The following MECOM variants were observed in gnomAD, a reference collection of about 807,000 sequenced individuals.
The protein encoded by MECOM is histone-lysine N-methyltransferase MECOM.
In MECOM, 13 loss-of-function variants were observed where a neutral mutation model predicts 116.3. The ratio of observed to expected loss-of-function variants is 0.11; its 90% CI spans 0.07 to 0.18. The LOEUF is 0.18. Among genes scored for constraint, MECOM ranks in the 10% least tolerant of loss-of-function variants. MECOM has a pLI of 1.00. For synonymous variants in MECOM, 528 were observed against 535.2 expected (o/e 0.99, Z 0.19); for missense variants, 1,299 against 1,509.0 (o/e 0.86, Z 2.31).
chr3:169,451,674 T>C (rs1318648182), intron 1 of MECOM, among the ~76,000 whole-genome samples: 1 of 152,210 alleles, frequency 6.6e-6, no homozygotes, highest in Non-Finnish European at 1.5e-5. Context: ...TGCTACACTT[T>C]AGAGAGATGT....
chr3:169,462,620 G>T (rs760645311), intron 1 of MECOM, among the ~76,000 whole-genome samples: 22 of 152,094 alleles, frequency 1.4e-4, no homozygotes, highest in Non-Finnish European at 3.2e-4. Context: ...AAATTTTTAT[G>T]CTGTTAAATT....
rs1347512184 is a variant in MECOM, at chr3:169,323,009, A to T, written c.375+58178T>A. On this transcript the variant is annotated intron_variant, in intron 2 of 16. Coordinates refer to ENST00000651503, the MANE Select transcript of MECOM (RefSeq NM_004991.4). Reference sequence around the variant, plus strand: ...AGCAAGACTCCGGTAAAAAAAAAAAAAAAAAAAAAAAAAAAAAGCAGCAGC... The same window carrying T: ...AGCAAGACTCCGGTAAAAAAAAAAATAAAAAAAAAAAAAAAAAGCAGCAGC... Among the ~76,000 whole-genome samples, 497 of 146,472 alleles carry T rather than the reference A, an allele frequency of 3.4e-3. 7 individuals carry two copies. The highest frequency in any genetic ancestry group is 0.015 in the East Asian group (77 of 5,118).
chr3:169,217,844 AT>A (rs1751605331), intron 2 of MECOM, among the ~76,000 whole-genome samples: 5 of 64,712 alleles, frequency 7.7e-5, no homozygotes, highest in Middle Eastern at 0.014. Flanking sequence ...TATATATGTA[AT>A]ATATATATAT....
At chr3:169,132,810 T>C (rs1735176564) in intron 3 of MECOM, among the ~76,000 whole-genome samples, 1 of 150,506 alleles carries the variant, frequency 6.6e-6, no homozygotes, top group Non-Finnish European at 1.5e-5. Flanking sequence ...TGGGGTACAG[T>C]GGCATGATCA....
rs369978244 is a variant in MECOM at position 169,411,930 on chromosome 3, G to T, written c.38-30406C>A. Among the ~76,000 whole-genome samples, 8 of 152,100 alleles carry T rather than the reference G, an allele frequency of 5.3e-5. No individual in the cohort carries two copies. The East Asian group carries it at 9.6e-4, about 18-fold the overall frequency. On this transcript the variant is annotated intron_variant, in intron 1 of 16. Coordinates refer to ENST00000651503, the MANE Select transcript of MECOM (RefSeq NM_004991.4). Reference sequence around the variant, plus strand: ...CGCTTGAACCCGGGAGGCAGAAGTTGCAGTGAGCTAAGATCAAGCCACTGC... The same window carrying T: ...CGCTTGAACCCGGGAGGCAGAAGTTTCAGTGAGCTAAGATCAAGCCACTGC...
chr3:169,395,140 G>A (rs766842133), intron 1 of MECOM, among the ~76,000 whole-genome samples: 1 of 152,122 alleles, frequency 6.6e-6, no homozygotes, highest in Non-Finnish European at 1.5e-5. Context: ...AAATTCAAGA[G>A]AGCCCAAGTA....
chr3:169,491,099 C>A (rs1283489012), intron 1 of MECOM, among the ~76,000 whole-genome samples: 1 of 152,112 alleles, frequency 6.6e-6, no homozygotes, highest in African/African-American at 2.4e-5. Flanking sequence ...CTCAAGCAAT[C>A]CTCCACTTTA....
chr3:169,389,952 A>G (rs900980034), intron 1 of MECOM, among the ~76,000 whole-genome samples: 2 of 152,310 alleles, frequency 1.3e-5, no homozygotes, highest in East Asian at 3.9e-4. Context: ...TCAGGAAGGT[A>G]TAGAGAATAT....
At position 169,639,969 on chromosome 3, in the gene MECOM, CT is replaced by C. The variant is rs1773258068; in HGVS notation, c.37+23366del. Among the ~76,000 whole-genome samples the C allele has an allele frequency of 5.3e-5, 8 of 152,272 alleles. 1 individual carries two copies. The South Asian group carries it at 1.7e-3, about 32-fold the overall frequency. Reference sequence around the variant, plus strand: ...CCTGTGCCTCATCTTCATCATTCCTCTGGGCCTTAGACTGCTAAAATAAGCC... The same window carrying C: ...CCTGTGCCTCATCTTCATCATTCCTCGGGCCTTAGACTGCTAAAATAAGCC... On this transcript the variant is annotated intron_variant, in intron 1 of 16. Transcript: ENST00000651503.
intron 1 of MECOM, among the ~76,000 whole-genome samples, chr3:169,640,860 G>A (rs576053977): frequency 6.6e-6 from 1 of 152,292 alleles, no homozygotes; most frequent in Non-Finnish European, 1.5e-5. Context: ...ATTATGAGGA[G>A]GTGATTCCAA....
intron 1 of MECOM, among the ~76,000 whole-genome samples, chr3:169,428,465 A>C (rs924025901): frequency 3.3e-5 from 5 of 152,160 alleles, no homozygotes; most frequent in African/African-American, 1.2e-4. Context: ...CTTAGGCAGC[A>C]GTGCTCACCT....
chr3:169,317,015 A>G (rs1157682648), intron 2 of MECOM, among the ~76,000 whole-genome samples: 2 of 152,192 alleles, frequency 1.3e-5, no homozygotes, highest in African/African-American at 4.8e-5. Context: ...GATTCCAGAG[A>G]TAAGAAATGG....
intron 1 of MECOM, among the ~76,000 whole-genome samples, chr3:169,620,798 A>C (rs1770619375): frequency 6.6e-6 from 1 of 152,262 alleles, no homozygotes; most frequent in Non-Finnish European, 1.5e-5. Flanking sequence ...ATAGGTACTC[A>C]ACAAGGAACT....
chr3:169,403,200 G>C (rs922301219), intron 1 of MECOM, among the ~76,000 whole-genome samples: 1 of 152,244 alleles, frequency 6.6e-6, no homozygotes, highest in Non-Finnish European at 1.5e-5. Flanking sequence ...CCAGCCCACA[G>C]GTCCCTCAGC....
At chr3:169,523,911 A>G (rs538634502) in intron 1 of MECOM, among the ~76,000 whole-genome samples, 45 of 149,318 alleles carry the variant, frequency 3.0e-4, no homozygotes, top group East Asian at 3.0e-3. Flanking sequence ...CTGTATATGC[A>G]TATATATGTG....
At chr3:169,489,870 T>C (rs1049134178) in intron 1 of MECOM, among the ~76,000 whole-genome samples, 9 of 151,988 alleles carry the variant, frequency 5.9e-5, no homozygotes, top group African/African-American at 1.9e-4. Flanking sequence ...ACATATAAAG[T>C]ATAAAACGGG....
intron 1 of MECOM, among the ~76,000 whole-genome samples, chr3:169,583,469 G>A (rs975997568): frequency 2.0e-5 from 3 of 151,728 alleles, no homozygotes; most frequent in Admixed American, 6.6e-5. Flanking sequence ...TCTATCTCTC[G>A]CTTTCCCTCC....
rs112955288 is a variant in MECOM at position 169,257,075 on chromosome 3, G to T, written c.376-113243C>A. On this transcript the variant is annotated intron_variant, in intron 2 of 16. Transcript: ENST00000651503. ...GTGGTCCAAAAATGAGAATCCTGTTGGTTTTTCGAAAATACTGTAGTTTTT... is the reference window on the plus strand; with the variant it reads ...GTGGTCCAAAAATGAGAATCCTGTTTGTTTTTCGAAAATACTGTAGTTTTT... 4.3e-4 allele frequency among the ~76,000 whole-genome samples: 65 copies of T among 152,170 alleles called. 1 individual carries two copies. The highest frequency in any genetic ancestry group is 3.4e-3 in the Middle Eastern group (1 of 294).
Position 169,116,038 on chromosome 3 carries a change from A to G in MECOM, c.1834T>C (p.Phe612Leu), listed in dbSNP as rs1309343892. ...ESDIESDKEKFKENGKMFKDK... is the reference protein window; with the variant it reads ...ESDIESDKEKLKENGKMFKDK... ...TTGAACATTTTACCATTTTCTTTAA[A>G]TTTCTCTTTATCACTTTCAATGTCA... The change falls in exon 8 of 17, where the codon TTT becomes CTT. Residue 612 changes from phenylalanine to leucine, a missense_variant. By Grantham distance (22) the Phe-to-Leu change is conservative. Around this residue, in one of 6 missense-constraint regions of MECOM, gnomAD observed 238 missense variants for 273.1 expected, o/e 0.87. Transcript: ENST00000651503. 1.2e-6 allele frequency: 2 copies of G among 1,613,936 alleles called. No homozygotes were observed. Among genetic ancestry groups the G allele is most frequent in the Non-Finnish European group, 1.7e-6 (2 of 1,180,028 alleles).
Sources: allele counts gnomAD v4.1 joint callset (sites outside exome capture counted in the v4.1 genomes callset), GRCh38; gene constraint gnomAD v4.1.1; regional missense constraint gnomAD v4.1.1; transcripts MANE v1.5; gene names NCBI Gene and HGNC (gene_info 2026-07-23, HGNC 2026-07-21).